Variants in KCNJ15 observed in about 807,000 individuals in gnomAD.
The protein encoded by KCNJ15 is potassium inwardly rectifying channel subfamily J member 15, also known as ATP-sensitive inward rectifier potassium channel 15.
In KCNJ15, 14 loss-of-function variants were observed where a neutral mutation model predicts 23.0. That is an observed-to-expected ratio of 0.61 (90% confidence interval 0.40 to 0.95). KCNJ15 has a LOEUF of 0.95. KCNJ15 is among the 40% of genes least tolerant of loss of function. KCNJ15 has a pLI of 0.00. For missense variants in KCNJ15, 388 were observed against 461.8 expected, an observed-to-expected ratio of 0.84 and a Z score of 1.46; for synonymous variants, 185 against 183.2, an observed-to-expected ratio of 1.01 and a Z score of -0.08.
intron 1 of KCNJ15, among the ~76,000 whole-genome samples, chr21:38,243,849 G>A (rs1012388267): frequency 2.0e-5 from 3 of 152,228 alleles, no homozygotes; most frequent in Non-Finnish European, 4.4e-5. Context: ...ATGACAGGCT[G>A]CATTTGACCT....
chr21:38,238,296 C>G (rs1408423768), intron 1 of KCNJ15: 2 of 710,806 alleles, frequency 2.8e-6, no homozygotes, highest in Non-Finnish European at 2.7e-6. Flanking sequence ...GATTCTCACA[C>G]ACATACGCAG....
chr21:38,255,359 C>T (rs1980127651), upstream of KCNJ15, among the ~76,000 whole-genome samples: 1 of 152,208 alleles, frequency 6.6e-6, no homozygotes, highest in Non-Finnish European at 1.5e-5. Flanking sequence ...CGTTCTGCAC[C>T]TCTGTGCTTA....
chr21:38,259,004 C>T (rs1407116443), intron 1 of KCNJ15, among the ~76,000 whole-genome samples: 1 of 149,680 alleles, frequency 6.7e-6, no homozygotes, highest in African/African-American at 2.4e-5. Flanking sequence ...TTTCTTGGGG[C>T]GTGTGTGTGT....
At chr21:38,289,692 C>G (rs1014893991) in intron 1 of KCNJ15, among the ~76,000 whole-genome samples, 4 of 152,090 alleles carry the variant, frequency 2.6e-5, no homozygotes, top group African/African-American at 4.8e-5. Context: ...GAGATTGTGC[C>G]ACTCCACTCC....
At chr21:38,260,617 T>A (rs777125713) in intron 1 of KCNJ15, among the ~76,000 whole-genome samples, 5 of 152,134 alleles carry the variant, frequency 3.3e-5, no homozygotes, top group Admixed American at 1.3e-4. Flanking sequence ...CAAAGATGAA[T>A]CAGGGTCACG....
rs1315723661 is a variant in KCNJ15 at position 38,299,845 on chromosome 21, T to C, written c.584T>C (p.Leu195Ser). ...ACCAAGCAGAATGGGAAGCTGTGCT[T>C]GGTGATTCAGGTAGCCAATATGAGG... is the stretch of plus-strand genomic sequence containing the variant. ...VITKQNGKLC[L>S]VIQVANMRKS... Residue 195 changes from leucine to serine, a missense_variant, in exon 3 of 3, where the codon TTG becomes TCG. By Grantham distance (145) the Leu-to-Ser change is moderately radical. Coordinates refer to ENST00000398938, the MANE Select transcript of KCNJ15 (RefSeq NM_170736.3). The surrounding 1 kb of genome is among the most constrained non-coding windows in gnomAD (Gnocchi z 4.5). 3 of 1,614,092 alleles carry C rather than the reference T, an allele frequency of 1.9e-6. No individual in the cohort carries two copies. Among genetic ancestry groups the C allele is most frequent in the Non-Finnish European group, 2.5e-6 (3 of 1,180,030 alleles).
At chr21:38,242,486 G>A (rs1377090517) in intron 1 of KCNJ15, among the ~76,000 whole-genome samples, 2 of 152,146 alleles carry the variant, frequency 1.3e-5, no homozygotes, top group African/African-American at 4.8e-5. Flanking sequence ...CAGAGGCAAA[G>A]AGTTTAAAGA....
chr21:38,275,760 G>A (rs1982623184), intron 1 of KCNJ15, among the ~76,000 whole-genome samples: 1 of 152,114 alleles, frequency 6.6e-6, no homozygotes, highest in Non-Finnish European at 1.5e-5. Context: ...AAACCCTATG[G>A]CCCAATCAAT....
At chr21:38,273,267 C>A (rs866685564) in intron 1 of KCNJ15, among the ~76,000 whole-genome samples, 33 of 152,270 alleles carry the variant, frequency 2.2e-4, no homozygotes, top group African/African-American at 6.5e-4. Context: ...TCACATTATA[C>A]CTTAATTTTT....
chr21:38,300,050 C>A lies in KCNJ15; in HGVS notation c.789C>A (p.Pro263=), dbSNP rs373264618. 12 of 1,614,078 alleles carry A rather than the reference C, an allele frequency of 7.4e-6. No homozygotes were observed. In the South Asian group the frequency reaches 1.2e-4, roughly 16 times the overall value. Residue 263 remains proline (P), a synonymous_variant, in exon 3 of 3, where the codon CCC becomes CCA. Transcript: ENST00000398938. ...TFYHVLDETS[P]LRDLTPQNLK... is the part of the protein sequence containing the mutation. ...ACCATGTGCTGGATGAGACGAGCCCCCTGAGAGACCTCACACCCCAAAACC... is the reference window on the plus strand; with the variant it reads ...ACCATGTGCTGGATGAGACGAGCCCACTGAGAGACCTCACACCCCAAAACC...
Position 38,273,525 on chromosome 21 carries a change from G to T in KCNJ15, c.-117+16340G>T, listed in dbSNP as rs753390190. On this transcript the variant is annotated intron_variant, in intron 1 of 2. Transcript: ENST00000398938. ...TTCATGTCTAATACTTTTCTACTTG[G>T]TCTATTTCCATGTCCTGTCAATGAC... Among the ~76,000 whole-genome samples the T allele has an allele frequency of 5.0e-4, 76 of 152,196 alleles. 1 individual carries two copies. Among genetic ancestry groups the T allele is most frequent in the Non-Finnish European group, 8.7e-4 (59 of 68,010 alleles).
chr21:38,258,973 G>A (rs1289459804), intron 1 of KCNJ15, among the ~76,000 whole-genome samples: 1 of 152,060 alleles, frequency 6.6e-6, no homozygotes, highest in Non-Finnish European at 1.5e-5. Context: ...CTGCATCGAG[G>A]AAATCTCGAA....
At chr21:38,258,164 C>T (rs968703917) in intron 1 of KCNJ15, among the ~76,000 whole-genome samples, 2 of 151,970 alleles carry the variant, frequency 1.3e-5, no homozygotes, top group Non-Finnish European at 2.9e-5. Context: ...GCACAATCAA[C>T]TGTTATCCCC....
chr21:38,280,312 C>A (rs1983180794), intron 1 of KCNJ15, among the ~76,000 whole-genome samples: 1 of 152,108 alleles, frequency 6.6e-6, no homozygotes, highest in South Asian at 2.1e-4. Context: ...CAAATGGGAC[C>A]AAAGTAGTCT....
chr21:38,264,367 TG>T (rs941208967), intron 1 of KCNJ15, among the ~76,000 whole-genome samples: 1 of 152,350 alleles, frequency 6.6e-6, no homozygotes, highest in Admixed American at 6.5e-5. Flanking sequence ...GAACCCTCTG[TG>T]GGATTCCCTC....
At chr21:38,241,590 C>T (rs1178960827) in intron 1 of KCNJ15, among the ~76,000 whole-genome samples, 1 of 151,640 alleles carries the variant, frequency 6.6e-6, no homozygotes, top group Admixed American at 6.6e-5. Flanking sequence ...CTAAATAAAT[C>T]TGGGCAAAAT....
At position 38,302,858 on chromosome 21, in the gene KCNJ15, T is replaced by C. The variant is rs1985897197; in HGVS notation, c.*2469T>C. ...AAGACTTGATCATCTTATCTTTTGC[T>C]CTACACACTCAAAACAAATATTGCA... is the stretch of plus-strand genomic sequence containing the variant. On this transcript the variant is annotated 3_prime_UTR_variant, in exon 3 of 3. Transcript: ENST00000398938. 1 of 152,324 alleles carries C rather than the reference T, an allele frequency of 6.6e-6. No homozygotes were observed. The allele number at this position is 152,324 out of a possible 1,614,324, so 9.4% of individuals were successfully genotyped here.
intron 1 of KCNJ15, among the ~76,000 whole-genome samples, chr21:38,285,934 T>C (rs1473412330): frequency 6.6e-6 from 1 of 152,140 alleles, no homozygotes; most frequent in African/African-American, 2.4e-5. Context: ...GACTGAGTGG[T>C]ATATTAACTG....
intron 1 of KCNJ15, among the ~76,000 whole-genome samples, chr21:38,233,204 T>C (rs1978387760): frequency 6.6e-6 from 1 of 152,078 alleles, no homozygotes; most frequent in Admixed American, 6.6e-5. Flanking sequence ...ATTATGTGTC[T>C]TCCTTATCTC....
Sources: gnomAD v4.1 joint callset for allele counts (sites outside exome capture counted in the v4.1 genomes callset) on GRCh38, gnomAD v4.1.1 for gene constraint, Gnocchi (gnomAD v3.1) non-coding constraint, MANE v1.5 for transcripts, NCBI Gene and HGNC (gene_info 2026-07-23, HGNC 2026-07-21) for gene names.